PIEZO1: variants seen among roughly 807,000 people sequenced by gnomAD.
The protein encoded by PIEZO1 is piezo type mechanosensitive ion channel component 1 (Er blood group).
PIEZO1 carries 296 observed loss-of-function variants against 297.2 expected under a neutral mutation model. The ratio of observed to expected loss-of-function variants is 1.00; its 90% CI spans 0.91 to 1.10. PIEZO1 has a LOEUF of 1.10. Among genes scored for constraint, PIEZO1 ranks in the 50% least tolerant of loss-of-function variants. The probability of loss-of-function intolerance (pLI) is 0.00; values close to 1 mark genes in which losing one functional copy is unlikely to be tolerated. For missense variants in PIEZO1, 5,018 were observed against 3,455.5 expected (o/e 1.45, Z -11.34); for synonymous variants, 2,427 against 1,507.5 (o/e 1.61, Z -14.13).
intron 11 of PIEZO1, 69 bp downstream of exon 11, chr16:88,736,570 C>T (rs1035519281): frequency 3.8e-6 from 5 of 1,325,458 alleles, no homozygotes; most frequent in African/African-American, 3.0e-5. Context: ...CCAGCGCACC[C>T]CACCCAGGCG....
rs369569577 is a variant in PIEZO1 at position 88,776,162 on chromosome 16, C to T, written c.64+8739G>A. Among the ~76,000 whole-genome samples the T allele has an allele frequency of 1.4e-3, 214 of 152,352 alleles. 1 individual carries two copies. The highest frequency in any genetic ancestry group is 2.3e-3 in the Non-Finnish European group (157 of 68,020). ...AGAAGGAACCAAATGAGGCCGGGCG[C>T]GGTGGCTCACGCCTGTCATCCCAGC... On this transcript the variant is annotated intron_variant, in intron 1 of 50. Transcript: ENST00000301015.
intron 44 of PIEZO1, chr16:88,718,893 G>C (rs916621509): frequency 2.6e-5 from 4 of 154,012 alleles, no homozygotes; most frequent in Non-Finnish European, 5.9e-5. Context: ...TTTTTGTAGA[G>C]AGAGTCTCAC....
intron 5 of PIEZO1, 178 bp from the exon 6 acceptor site, chr16:88,738,914 C>T: frequency 1.6e-6 from 1 of 606,338 alleles, no homozygotes; most frequent in South Asian, 2.0e-5. Context: ...TGCCTGACAC[C>T]TTCCTACTTC....
chr16:88,719,508 G>A, intron 44 of PIEZO1, 66 bp downstream of exon 44: 1 of 1,446,140 alleles, frequency 6.9e-7, no homozygotes. Context: ...TGGCAGCAGT[G>A]CCTCTGTCTT....
chr16:88,720,607 A>T lies in PIEZO1; in HGVS notation c.5801+9T>A. On this transcript the variant is annotated intron_variant, in intron 40 of 50. Coordinates refer to ENST00000301015, the MANE Select transcript of PIEZO1 (RefSeq NM_001142864.4). ...CACTCCCCAGCTGCCCCCGGCCGCCATCACTCACAGGGACAGGCAGAAGCC... is the reference window on the plus strand; with the variant it reads ...CACTCCCCAGCTGCCCCCGGCCGCCTTCACTCACAGGGACAGGCAGAAGCC... 7.9e-7 allele frequency: 1 copy of T among 1,259,836 alleles called. No homozygotes were observed. The highest frequency in any genetic ancestry group is 1.0e-6 in the Non-Finnish European group (1 of 956,180). The allele number at this position is 1,259,836 out of a possible 1,614,324, so 78.0% of individuals were successfully genotyped here.
rs1236861708 is a variant in PIEZO1, at chr16:88,722,945, C to T, written c.4560G>A (p.Ala1520=). The T allele has an allele frequency of 8.4e-6, 13 of 1,549,132 alleles. No individual in the cohort carries two copies. The highest frequency in any genetic ancestry group is 2.4e-5 in the East Asian group (1 of 40,924). ...GCCAGCGTGTCAGCTCATCCACTAG[C>T]GCCTGCCCCAGCATCCACAGGAACT... ...TAQFLWMLGQ[A]LVDELTRWLQ... The change falls in exon 34 of 51, where the codon GCG becomes GCA. Residue 1520 remains alanine, a synonymous_variant. Transcript: ENST00000301015.
At chr16:88,754,898 C>T (rs1476289526) in intron 1 of PIEZO1, among the ~76,000 whole-genome samples, 7 of 152,244 alleles carry the variant, frequency 4.6e-5, no homozygotes, top group African/African-American at 1.7e-4. Context: ...TGAACGAACG[C>T]CCCGGCGTGC....
chr16:88,746,292 G>A (rs866494755), intron 2 of PIEZO1, among the ~76,000 whole-genome samples: 1 of 152,150 alleles, frequency 6.6e-6, no homozygotes, highest in Non-Finnish European at 1.5e-5. Context: ...GGTAAGAGGT[G>A]GGGGGTGATC....
In PIEZO1 at chr16:88,720,414, T is replaced by C. The variant is rs753862254; in HGVS notation, c.5920A>G (p.Ile1974Val). ...MFLADVVDFIIIIFGFWAFGK... is the reference protein window; with the variant it reads ...MFLADVVDFIVIIFGFWAFGK... ...AAGGCCCAGAAGCCAAAAATGATGA[T>C]GATGAAGTCGACAACATCAGCCAGG... Residue 1974 changes from isoleucine to valine, a missense_variant, in exon 41 of 51, where the codon ATC becomes GTC. Ile to Val is a conservative substitution (Grantham distance 29). Coordinates refer to ENST00000301015, the MANE Select transcript of PIEZO1 (RefSeq NM_001142864.4). 66 of 1,550,302 alleles carry C rather than the reference T, an allele frequency of 4.3e-5. No homozygotes were observed. In the African/African-American group the frequency reaches 8.4e-4, roughly 20 times the overall value.
At chr16:88,768,261 T>G (rs1285473406) in intron 1 of PIEZO1, among the ~76,000 whole-genome samples, 1 of 152,178 alleles carries the variant, frequency 6.6e-6, no homozygotes, top group African/African-American at 2.4e-5. Flanking sequence ...CCAGCTTAGC[T>G]GCTGGACCTT....
At chr16:88,748,390 G>C (rs975376999) in intron 2 of PIEZO1, among the ~76,000 whole-genome samples, 2 of 152,254 alleles carry the variant, frequency 1.3e-5, no homozygotes, top group African/African-American at 2.4e-5. Flanking sequence ...TGCAGGCTTG[G>C]CACGTGGCCT....
chr16:88,730,088 C>A (rs1489477139), intron 22 of PIEZO1, among the ~76,000 whole-genome samples: 1 of 152,236 alleles, frequency 6.6e-6, no homozygotes, highest in Non-Finnish European at 1.5e-5. Context: ...GAGCTGGCCT[C>A]GGTGATGCTC....
chr16:88,717,890 T>G lies in PIEZO1; in HGVS notation c.6472-679A>C, dbSNP rs1459724942. On this transcript the variant is annotated intron_variant, in intron 44 of 50. Transcript: ENST00000301015. ...GCTCACACTTGTCATCCCAGCACTT[T>G]GAGGTCAGGAGTTTGAGACGAACCT... is the stretch of plus-strand genomic sequence containing the variant. 7 of 410,842 alleles carry G rather than the reference T, an allele frequency of 1.7e-5. No individual in the cohort carries two copies. The Admixed American group carries it at 2.3e-4, about 14-fold the overall frequency. The allele number at this position is 410,842 out of a possible 1,614,324, so 25.4% of individuals were successfully genotyped here.
chr16:88,775,726 C>CAAAAAAAAAAAA (rs3052234), intron 1 of PIEZO1, among the ~76,000 whole-genome samples: 1 of 98,750 alleles, frequency 1.0e-5, no homozygotes. Context: ...AAGACGCTGT[C>CAAAAAAAAAAAA]AAAAAAAAAA....
intron 1 of PIEZO1, among the ~76,000 whole-genome samples, chr16:88,760,866 G>C (rs188032545): frequency 2.6e-5 from 4 of 152,350 alleles, no homozygotes; most frequent in African/African-American, 9.6e-5. Flanking sequence ...TAATTAGCTC[G>C]GTGTCCAGGT....
chr16:88,721,233 C>T lies in PIEZO1; in HGVS notation c.5601G>A (p.Arg1867=). The stretch of plus-strand genomic sequence containing the variant: ...TTCTTCTAAAACGTAGACTGATGCG[C>T]CTCGTATCACGGGGCCTGAGCTCCA... ...PQVELRPRDT[R]RISLRFRRRK... The change falls in exon 39 of 51, where the codon AGG becomes AGA. Residue 1867 remains arginine, a synonymous_variant. Coordinates refer to ENST00000301015, the MANE Select transcript of PIEZO1 (RefSeq NM_001142864.4). The T allele has an allele frequency of 6.5e-7, 1 of 1,540,430 alleles. No individual in the cohort carries two copies. Among genetic ancestry groups the T allele is most frequent in the Non-Finnish European group, 8.7e-7 (1 of 1,145,854 alleles).
Position 88,733,416 on chromosome 16 carries a change from G to C in PIEZO1, c.2526C>G (p.Ala842=). ...GGAAGCGTGGGTAGGGCAGGGCGAA[G>C]GCCCACAGCACCACCAGCAGCAGGT... is the stretch of plus-strand genomic sequence containing the variant. ...VMNLLLVVLW[A]FALPYPRFRP... is the part of the protein sequence containing the mutation. Residue 842 remains alanine, a synonymous_variant, in exon 19 of 51, where the codon GCC becomes GCG. Coordinates refer to ENST00000301015, the MANE Select transcript of PIEZO1 (RefSeq NM_001142864.4). 1 of 1,549,886 alleles carries C rather than the reference G, an allele frequency of 6.5e-7. No homozygotes were observed. The highest frequency in any genetic ancestry group is 8.7e-7 in the Non-Finnish European group (1 of 1,146,674).
intron 1 of PIEZO1, among the ~76,000 whole-genome samples, chr16:88,783,914 A>G (rs1051106332): frequency 2.0e-5 from 3 of 152,138 alleles, no homozygotes; most frequent in Non-Finnish European, 4.4e-5. Context: ...GGGCTTTTAC[A>G]ATCAAAAGGC....
intron 15 of PIEZO1, 23 bp from the exon 16 acceptor site, chr16:88,734,561 CCGG>C (rs1447568334): frequency 6.5e-6 from 10 of 1,543,154 alleles, no homozygotes; most frequent in Non-Finnish European, 8.8e-6. Flanking sequence ...AGCATCAGCA[CCGG>C]CCCGGCCCCC....
Sources: gnomAD v4.1 joint callset for allele counts (sites outside exome capture counted in the v4.1 genomes callset) on GRCh38, gnomAD v4.1.1 for gene constraint, MANE v1.5 for transcripts, NCBI Gene and HGNC (gene_info 2026-07-23, HGNC 2026-07-21) for gene names.